The following VPS13B variants were observed in gnomAD, a reference collection of about 807,000 sequenced individuals.
VPS13B encodes the protein vacuolar protein sorting 13 homolog B.
Under a neutral mutation model 426.4 loss-of-function variants are expected in VPS13B, and 285 were observed. That is an observed-to-expected ratio of 0.67 (90% CI 0.61 to 0.74). The LOEUF (loss-of-function observed/expected upper bound fraction) is 0.74, where lower values mean the gene tolerates loss of function less well. VPS13B is among the 30% of genes least tolerant of loss of function. VPS13B has a pLI of 0.00. For synonymous variants in VPS13B, 1,676 were observed against 1,676.4 expected (o/e 1.00, Z 0.01); for missense variants, 4,537 against 4,782.6 (o/e 0.95, Z 1.51).
intron 33 of VPS13B, among the ~76,000 whole-genome samples, chr8:99,618,160 G>C (rs1828184484): frequency 2.0e-5 from 3 of 151,774 alleles, no homozygotes; most frequent in Non-Finnish European, 4.4e-5. Flanking sequence ...GTGTGATATT[G>C]TGACAATTTT....
intron 19 of VPS13B, among the ~76,000 whole-genome samples, chr8:99,379,901 T>C (rs1370465343): frequency 6.6e-6 from 1 of 152,196 alleles, no homozygotes; most frequent in Non-Finnish European, 1.5e-5. Context: ...TACGTAGGTT[T>C]TAGAAAGATC....
intron 35 of VPS13B, chr8:99,697,453 A>G (rs1832076350): frequency 1.4e-6 from 1 of 715,870 alleles, no homozygotes; most frequent in East Asian, 2.5e-5. Flanking sequence ...CTAAGGAGGA[A>G]ATCGACATCC....
chr8:99,472,726 T>C (rs1351055527), intron 24 of VPS13B, among the ~76,000 whole-genome samples: 2 of 151,776 alleles, frequency 1.3e-5, no homozygotes, highest in Non-Finnish European at 2.9e-5. Context: ...GAGCAAGAGA[T>C]AGAAAATTAA....
In VPS13B at chr8:99,854,142, G is replaced by A. The variant is rs1311421082; in HGVS notation, c.10753G>A (p.Asp3585Asn). Reference sequence around the variant, plus strand: ...TTCCCTCAAGCTGTACATAGCCTCAGACCACACTCCTCTCTCCTTCTCGGT... The same window carrying A: ...TTCCCTCAAGCTGTACATAGCCTCAAACCACACTCCTCTCTCCTTCTCGGT... ...HASLKLYIAS[D>N]HTPLSFSVFE... Residue 3585 changes from aspartate (D) to asparagine (N), a missense_variant, in exon 56 of 62, where the codon GAC becomes AAC. Transcript: ENST00000357162. 4.3e-6 allele frequency: 7 copies of A among 1,613,094 alleles called. No homozygotes were observed. Among genetic ancestry groups the A allele is most frequent in the South Asian group, 1.1e-5 (1 of 91,028 alleles).
At chr8:99,559,010 A>G (rs370094221) in intron 31 of VPS13B, among the ~76,000 whole-genome samples, 26 of 152,114 alleles carry the variant, frequency 1.7e-4, no homozygotes, top group African/African-American at 1.2e-4. Flanking sequence ...GGTTGAACTA[A>G]TTTACAGTCC....
At chr8:99,761,103 A>G (rs1339271806) in intron 39 of VPS13B, among the ~76,000 whole-genome samples, 1 of 152,234 alleles carries the variant, frequency 6.6e-6, no homozygotes, top group Non-Finnish European at 1.5e-5. Context: ...AAAGGCATAC[A>G]ACTTAAATTT....
At chr8:99,605,746 G>A (rs1827536816) in intron 33 of VPS13B, among the ~76,000 whole-genome samples, 1 of 152,050 alleles carries the variant, frequency 6.6e-6, no homozygotes, top group African/African-American at 2.4e-5. Flanking sequence ...CATTCTCCAG[G>A]GCAGGTGGGT....
In VPS13B at chr8:99,508,726, C is replaced by T. The variant is rs570351689; in HGVS notation, c.4224+1523C>T. Among the ~76,000 whole-genome samples the T allele has an allele frequency of 2.1e-4, 32 of 151,994 alleles. No homozygotes were observed. The East Asian group carries it at 6.2e-3, about 29-fold the overall frequency. On this transcript the variant is annotated intron_variant, in intron 28 of 61. Transcript: ENST00000357162. ...CCGTAAATTTATCGTTAATGTTCTT[C>T]AGAAATTTTTTCTAAATTTATAAAT...
intron 21 of VPS13B, among the ~76,000 whole-genome samples, chr8:99,419,623 A>G (rs1342910000): frequency 1.3e-5 from 2 of 152,122 alleles, no homozygotes; most frequent in Non-Finnish European, 2.9e-5. Context: ...TATCAGTTTG[A>G]TTTCCCATGA....
At position 99,170,269 on chromosome 8, in the gene VPS13B, C is replaced by T. The variant is rs1424328988; in HGVS notation, c.2333+106C>T. On this transcript the variant is annotated intron_variant, in intron 16 of 61. Transcript: ENST00000357162. ...ATGCCCATGCTAGTTTTATACAAAA[C>T]TTTAGAAAAAAAATCTAAACTTGTA... is the stretch of plus-strand genomic sequence containing the variant. 12 of 1,392,556 alleles carry T rather than the reference C, an allele frequency of 8.6e-6. No homozygotes were observed. In the East Asian group the frequency reaches 1.5e-4, roughly 17 times the overall value. The allele number at this position is 1,392,556 out of a possible 1,614,324, so 86.3% of individuals were successfully genotyped here.
At chr8:99,582,293 A>G (rs1029226395) in intron 33 of VPS13B, among the ~76,000 whole-genome samples, 4 of 152,198 alleles carry the variant, frequency 2.6e-5, no homozygotes, top group South Asian at 2.1e-4. Flanking sequence ...AAATACATCA[A>G]AGTAGCATCA....
At position 99,376,418 on chromosome 8, in the gene VPS13B, CT is replaced by C. The variant is rs200754924; in HGVS notation, c.2825-7789del. Among the ~76,000 whole-genome samples, 1,304 of 152,210 alleles carry C rather than the reference CT, an allele frequency of 8.6e-3. 9 individuals are homozygous for C. The highest frequency in any genetic ancestry group is 0.024 in the Middle Eastern group (7 of 294). ...TCAATGAATTACCCTCTTTTATCAT[CT>C]ATAACATTCGTAAATTTTAAGGCTG... On this transcript the variant is annotated intron_variant, in intron 19 of 61. Coordinates refer to ENST00000357162, the MANE Select transcript of VPS13B (RefSeq NM_152564.5).
At chr8:99,863,809 A>G (rs1021153786) in intron 58 of VPS13B, among the ~76,000 whole-genome samples, 7 of 152,170 alleles carry the variant, frequency 4.6e-5, no homozygotes, top group Non-Finnish European at 1.0e-4. Flanking sequence ...CAGTGGGCTC[A>G]TGGGGTCTTT....
chr8:99,343,956 A>G (rs541989780), intron 19 of VPS13B, among the ~76,000 whole-genome samples: 2 of 152,340 alleles, frequency 1.3e-5, no homozygotes, highest in East Asian at 3.9e-4. Context: ...TTTTCACAGA[A>G]ATAGAAAAAA....
At chr8:99,512,747 C>T (rs780291742) in intron 29 of VPS13B, among the ~76,000 whole-genome samples, 13 of 152,148 alleles carry the variant, frequency 8.5e-5, no homozygotes, top group African/African-American at 1.2e-4. Context: ...CGGTGGCTCA[C>T]GCCTGTAATC....
intron 35 of VPS13B, among the ~76,000 whole-genome samples, chr8:99,678,991 C>T (rs1831050693): frequency 6.6e-6 from 1 of 152,196 alleles, no homozygotes. Flanking sequence ...GTGAGAATCT[C>T]TATAAACTGG....
intron 5 of VPS13B, among the ~76,000 whole-genome samples, chr8:99,107,046 A>T (rs1158045824): frequency 1.3e-5 from 2 of 152,140 alleles, no homozygotes; most frequent in Non-Finnish European, 2.9e-5. Flanking sequence ...TATGCCTAGG[A>T]GTGAAATTAC....
intron 33 of VPS13B, among the ~76,000 whole-genome samples, chr8:99,615,101 C>T: frequency 9.2e-6 from 1 of 108,860 alleles, no homozygotes; most frequent in South Asian, 2.8e-4. Context: ...TGGGGAACAA[C>T]AGTGAAACTC....
chr8:99,103,589 C>A (rs1049716893), intron 5 of VPS13B, among the ~76,000 whole-genome samples: 1 of 151,194 alleles, frequency 6.6e-6, no homozygotes, highest in Admixed American at 6.6e-5. Context: ...AGTTCCACCT[C>A]CCCGGGTTCA....
Sources: allele counts gnomAD v4.1 joint callset (sites outside exome capture counted in the v4.1 genomes callset), GRCh38; gene constraint gnomAD v4.1.1; transcripts MANE v1.5; gene names NCBI Gene and HGNC (gene_info 2026-07-23, HGNC 2026-07-21).